The following ACYP2 variants were observed in gnomAD, a reference collection of about 807,000 sequenced individuals.
The protein encoded by ACYP2 is acylphosphatase 2, also known as acylphosphatase-2.
ACYP2 carries 12 observed loss-of-function variants against 11.2 expected under a neutral mutation model. The observed-to-expected ratio is 1.08, with a 90% CI of 0.69 to 1.74. ACYP2 has a LOEUF of 1.74. Ranked by LOEUF, ACYP2 falls within the 40% of genes most tolerant of loss-of-function variation. The pLI is 0.00. For synonymous variants in ACYP2, 43 were observed against 32.2 expected (o/e 1.33, Z -1.13); for missense variants, 134 against 101.9 (o/e 1.31, Z -1.35).
At chr2:53,989,153 G>A (rs1672163780) in intron 2 of ACYP2, among the ~76,000 whole-genome samples, 1 of 152,154 alleles carries the variant, frequency 6.6e-6, no homozygotes, top group South Asian at 2.1e-4. Flanking sequence ...CTAACATGCA[G>A]TGGAAAGGCT....
intron 6 of ACYP2, among the ~76,000 whole-genome samples, chr2:54,161,156 C>T (rs1682693895): frequency 1.3e-5 from 2 of 152,178 alleles, no homozygotes; most frequent in South Asian, 4.1e-4. Context: ...AGCCACTAAA[C>T]TAGAGCAATG....
intron 6 of ACYP2, among the ~76,000 whole-genome samples, chr2:54,170,328 T>A (rs955607290): frequency 6.6e-6 from 1 of 152,118 alleles, no homozygotes; most frequent in African/African-American, 2.4e-5. Flanking sequence ...CATTTTTGTA[T>A]TATTAGTAGA....
At chr2:54,255,863 C>T in intron 6 of ACYP2, 2 of 1,614,026 alleles carry the variant, frequency 1.2e-6, no homozygotes, top group Non-Finnish European at 1.7e-6. Context: ...GCTTCTAGGC[C>T]CTCCGCGGGT....
chr2:54,153,133 C>T (rs1292776041), intron 6 of ACYP2, among the ~76,000 whole-genome samples: 1 of 151,702 alleles, frequency 6.6e-6, no homozygotes, highest in Non-Finnish European at 1.5e-5. Context: ...TAATCCATTT[C>T]GAGTTGTGTT....
chr2:54,210,904 A>T (rs542113745), intron 6 of ACYP2, among the ~76,000 whole-genome samples: 40 of 152,250 alleles, frequency 2.6e-4, no homozygotes, highest in South Asian at 2.5e-3. Context: ...TAGAAAAAAA[A>T]TTTTTTTGCA....
At chr2:54,069,875 T>C (rs1256161909) in intron 4 of ACYP2, among the ~76,000 whole-genome samples, 1 of 152,166 alleles carries the variant, frequency 6.6e-6, no homozygotes, top group Non-Finnish European at 1.5e-5. Context: ...CACTAAAATA[T>C]GCAGATTTTA....
intron 6 of ACYP2, among the ~76,000 whole-genome samples, chr2:54,216,221 C>A (rs532293209): frequency 4.6e-5 from 7 of 152,218 alleles, no homozygotes; most frequent in Admixed American, 1.3e-4. Flanking sequence ...ATATTTAGTT[C>A]TATGATCTAT....
chr2:54,151,745 G>A (rs1396393007), intron 6 of ACYP2, among the ~76,000 whole-genome samples: 2 of 152,012 alleles, frequency 1.3e-5, no homozygotes, highest in Non-Finnish European at 2.9e-5. Flanking sequence ...TGACTTAAGG[G>A]TATAGTTTTT....
chr2:54,009,130 G>A (rs1278979520), intron 2 of ACYP2, among the ~76,000 whole-genome samples: 2 of 150,982 alleles, frequency 1.3e-5, no homozygotes, highest in Non-Finnish European at 2.9e-5. Context: ...TCCAGTCTGG[G>A]CAACAGAGCA....
intron 6 of ACYP2, among the ~76,000 whole-genome samples, chr2:54,160,880 A>G (rs1682680999): frequency 6.6e-6 from 1 of 152,226 alleles, no homozygotes; most frequent in Admixed American, 6.5e-5. Flanking sequence ...GGAATCAAGG[A>G]GATTAATTAA....
chr2:54,240,727 G>C (rs953553596), intron 6 of ACYP2, among the ~76,000 whole-genome samples: 2 of 152,104 alleles, frequency 1.3e-5, no homozygotes, highest in Admixed American at 6.5e-5. Context: ...TCTGGCAAAC[G>C]GGGTGGGGAA....
At chr2:54,255,267 C>T in intron 6 of ACYP2, 1 of 1,614,182 alleles carries the variant, frequency 6.2e-7, no homozygotes, top group Non-Finnish European at 8.5e-7. Flanking sequence ...GAAAGAAGAA[C>T]TTAAACTTGC....
At chr2:54,241,232 T>C (rs1016891197) in intron 6 of ACYP2, among the ~76,000 whole-genome samples, 2 of 152,238 alleles carry the variant, frequency 1.3e-5, no homozygotes, top group Non-Finnish European at 2.9e-5. Context: ...AATTTAGGGA[T>C]ATCATGGGAA....
intron 4 of ACYP2, among the ~76,000 whole-genome samples, chr2:54,103,990 C>G (rs750482579): frequency 4.6e-5 from 7 of 152,168 alleles, no homozygotes; most frequent in Non-Finnish European, 1.0e-4. Flanking sequence ...GAGAGTGCTG[C>G]AAGGCTAAGC....
intron 2 of ACYP2, among the ~76,000 whole-genome samples, chr2:54,041,739 G>A (rs1299983297): frequency 1.3e-5 from 2 of 152,208 alleles, no homozygotes; most frequent in Non-Finnish European, 2.9e-5. Context: ...TAAGCTGGGT[G>A]AGGTATCAAA....
chr2:54,296,938 G>C (rs555565856), intron 6 of ACYP2, among the ~76,000 whole-genome samples: 64 of 152,116 alleles, frequency 4.2e-4, no homozygotes, highest in Non-Finnish European at 7.4e-4. Context: ...AACTGATTCA[G>C]ATTTACCGCA....
At chr2:54,256,758 C>T (rs1687558525) in intron 6 of ACYP2, among the ~76,000 whole-genome samples, 1 of 152,262 alleles carries the variant, frequency 6.6e-6, no homozygotes, top group African/African-American at 2.4e-5. Context: ...TCTCCTGCTT[C>T]AGCCTCCCAA....
At chr2:54,076,099 C>A (rs959098722) in intron 4 of ACYP2, among the ~76,000 whole-genome samples, 2 of 152,152 alleles carry the variant, frequency 1.3e-5, no homozygotes, top group African/African-American at 4.8e-5. Context: ...ACAAGTTGAA[C>A]TCTCATTTCT....
intron 6 of ACYP2, among the ~76,000 whole-genome samples, chr2:54,303,277 G>A (rs535674446): frequency 6.6e-6 from 1 of 152,240 alleles, no homozygotes; most frequent in African/African-American, 2.4e-5. Context: ...CTTGAGCCCT[G>A]AAGGTCAAGG....
Sources: allele counts gnomAD v4.1 joint callset (sites outside exome capture counted in the v4.1 genomes callset), GRCh38; gene constraint gnomAD v4.1.1; transcripts MANE v1.5; gene names NCBI Gene and HGNC (gene_info 2026-07-23, HGNC 2026-07-21).